The following CPNE4 variants were observed in gnomAD, a reference collection of about 807,000 sequenced individuals.
CPNE4 encodes copine 4.
A neutral mutation model predicts 67.9 loss-of-function variants in CPNE4; 25 were observed. That is an observed-to-expected ratio of 0.37 (90% confidence interval 0.27 to 0.51). The LOEUF (loss-of-function observed/expected upper bound fraction) is 0.51, where lower values mean the gene tolerates loss of function less well. Among genes scored for constraint, CPNE4 ranks in the 20% least tolerant of loss-of-function variants. CPNE4 has a pLI of 0.93. For synonymous variants in CPNE4, 242 were observed against 244.9 expected, an observed-to-expected ratio of 0.99 and a Z score of 0.11; for missense variants, 464 against 690.8, an observed-to-expected ratio of 0.67 and a Z score of 3.68.
intron 1 of CPNE4, among the ~76,000 whole-genome samples, chr3:132,024,496 TTTTA>T (rs3045296): frequency 0.67 from 101,597 of 151,586 alleles, 34,822 homozygotes; most frequent in South Asian, 0.74. Context: ...TTTTTAAGGG[TTTTA>T]TTTGTCTCCT....
intron 4 of CPNE4, 30 bp from the exon 5 acceptor site, chr3:131,696,646 T>C: frequency 6.2e-7 from 1 of 1,601,406 alleles, no homozygotes; most frequent in Non-Finnish European, 8.6e-7. Flanking sequence ...TCAGCTGCAA[T>C]AGAGGGTGAA....
chr3:131,548,168 A>G (rs1013275901), intron 14 of CPNE4, among the ~76,000 whole-genome samples: 3 of 152,218 alleles, frequency 2.0e-5, no homozygotes, highest in African/African-American at 7.2e-5. Context: ...GGAACACTGT[A>G]TTTTCTGGCG....
At chr3:131,662,217 T>C (rs2080144854) in intron 7 of CPNE4, among the ~76,000 whole-genome samples, 1 of 152,164 alleles carries the variant, frequency 6.6e-6, no homozygotes, top group South Asian at 2.1e-4. Flanking sequence ...AGGCAAACTC[T>C]ATGAGTGGAC....
intron 1 of CPNE4, among the ~76,000 whole-genome samples, chr3:131,942,463 TGAGAGAGAGAGAGAGAGAGAGAGAGAGA>T (rs59277847): frequency 2.8e-5 from 2 of 70,748 alleles, no homozygotes; most frequent in African/African-American, 5.0e-5. Flanking sequence ...TGTGTGTGTG[TGAGAGAGAGAGAGAGAGAGAGAGAGAGA>T]GAGAGAGAGA....
chr3:131,693,495 T>C (rs1295317384), intron 5 of CPNE4, among the ~76,000 whole-genome samples: 1 of 152,178 alleles, frequency 6.6e-6, no homozygotes, highest in Non-Finnish European at 1.5e-5. Context: ...TGCAAACCAA[T>C]TTAATGATTA....
At chr3:131,609,282 G>A (rs931684497) in intron 7 of CPNE4, among the ~76,000 whole-genome samples, 15 of 152,138 alleles carry the variant, frequency 9.9e-5, no homozygotes, top group Non-Finnish European at 2.1e-4. Flanking sequence ...TTGAATGAAC[G>A]ACATGGTTGG....
At chr3:131,933,918 G>T (rs2071143479) in intron 1 of CPNE4, among the ~76,000 whole-genome samples, 1 of 146,050 alleles carries the variant, frequency 6.8e-6, no homozygotes, top group Non-Finnish European at 1.5e-5. Context: ...TGGTCAAAGG[G>T]TACAAAATTA....
chr3:131,719,407 C>A (rs951813982), intron 3 of CPNE4, among the ~76,000 whole-genome samples: 1 of 152,192 alleles, frequency 6.6e-6, no homozygotes, highest in South Asian at 2.1e-4. Context: ...TATATAAGTT[C>A]TTTCAAAAGT....
rs2088702908 is a variant in CPNE4 at position 131,905,342 on chromosome 3, G to A, written c.102C>T (p.Gly34=). ...TKVELRVACK[G]ISDRDALSKP... is the part of the protein sequence containing the mutation. ...TGGAAAGGGCATCTCTGTCAGAAAT[G>A]CCTTTGCACGCCACACGCAGCTCAA... The change falls in exon 2 of 16, where the codon GGC becomes GGT. Residue 34 remains glycine, a synonymous_variant. Transcript: ENST00000429747. 6.2e-7 allele frequency: 1 copy of A among 1,613,492 alleles called. No individual in the cohort carries two copies. The highest frequency in any genetic ancestry group is 8.5e-7 in the Non-Finnish European group (1 of 1,179,722).
At chr3:131,984,222 C>T (rs991101058) in intron 1 of CPNE4, among the ~76,000 whole-genome samples, 2 of 152,064 alleles carry the variant, frequency 1.3e-5, no homozygotes, top group Non-Finnish European at 1.5e-5. Context: ...CAAAGATCTC[C>T]TAACTCTTCA....
chr3:131,684,446 T>C (rs991600023), intron 6 of CPNE4, among the ~76,000 whole-genome samples: 2 of 152,188 alleles, frequency 1.3e-5, no homozygotes, highest in African/African-American at 4.8e-5. Flanking sequence ...TTTAACAGCA[T>C]TTATTTATTT....
chr3:131,925,895 G>T (rs2070880582), intron 1 of CPNE4, among the ~76,000 whole-genome samples: 1 of 148,724 alleles, frequency 6.7e-6, no homozygotes, highest in Non-Finnish European at 1.5e-5. Context: ...GAATTTCAGG[G>T]AACCTAGGGA....
intron 1 of CPNE4, among the ~76,000 whole-genome samples, chr3:131,926,563 C>A (rs2070901403): frequency 6.6e-6 from 1 of 151,960 alleles, no homozygotes; most frequent in African/African-American, 2.4e-5. Flanking sequence ...GAGATGAACC[C>A]AGAAATGAAA....
chr3:132,032,981 C>T (rs1163301974), intron 1 of CPNE4, among the ~76,000 whole-genome samples: 1 of 152,178 alleles, frequency 6.6e-6, no homozygotes, highest in Admixed American at 6.5e-5. Flanking sequence ...ACACCTGTGT[C>T]ATAGGACGGT....
intron 6 of CPNE4, among the ~76,000 whole-genome samples, chr3:131,673,138 G>T (rs895298631): frequency 4.6e-5 from 7 of 151,862 alleles, no homozygotes; most frequent in Admixed American, 1.3e-4. Context: ...TGTCAAAAAT[G>T]AACTCAATGC....
upstream of CPNE4, among the ~76,000 whole-genome samples, chr3:132,035,759 A>G (rs531356992): frequency 8.9e-4 from 135 of 152,200 alleles, 1 homozygote; most frequent in Non-Finnish European, 1.7e-3. Context: ...CTAGACAACT[A>G]AATTCTCTCT....
At chr3:131,563,013 T>TG (rs1461512953) in intron 11 of CPNE4, among the ~76,000 whole-genome samples, 1 of 152,040 alleles carries the variant, frequency 6.6e-6, no homozygotes, top group Non-Finnish European at 1.5e-5. Flanking sequence ...GAGTTACTGG[T>TG]GATGACCAAG....
At chr3:131,584,306 G>T (rs1448926619) in intron 8 of CPNE4, among the ~76,000 whole-genome samples, 1 of 152,002 alleles carries the variant, frequency 6.6e-6, no homozygotes, top group African/African-American at 2.4e-5. Flanking sequence ...CCTCTCCTCT[G>T]AGTACCAGTT....
At chr3:131,585,961 C>T (rs7638150) in intron 8 of CPNE4, among the ~76,000 whole-genome samples, 5,138 of 152,106 alleles carry the variant, frequency 0.034, 258 homozygotes, top group African/African-American at 0.11. Context: ...TGGAAAGCTG[C>T]CATTGTTTCC....
Sources: allele counts gnomAD v4.1 joint callset (sites outside exome capture counted in the v4.1 genomes callset), GRCh38; gene constraint gnomAD v4.1.1; transcripts MANE v1.5; gene names NCBI Gene and HGNC (gene_info 2026-07-23, HGNC 2026-07-21).